Variants in ARID4A observed in about 807,000 individuals in gnomAD.
ARID4A encodes AT-rich interaction domain 4A.
ARID4A carries 39 observed loss-of-function variants against 148.6 expected under a neutral mutation model. The ratio of observed to expected loss-of-function variants is 0.26; its 90% CI spans 0.20 to 0.34. The LOEUF (loss-of-function observed/expected upper bound fraction) is 0.34, where lower values mean the gene tolerates loss of function less well. Among genes scored for constraint, ARID4A ranks in the 10% least tolerant of loss-of-function variants. The pLI is 1.00. For missense variants in ARID4A, 1,265 were observed against 1,449.1 expected, an observed-to-expected ratio of 0.87 and a Z score of 2.06; for synonymous variants, 475 against 481.2, an observed-to-expected ratio of 0.99 and a Z score of 0.17.
At position 58,348,484 on chromosome 14, in the gene ARID4A, C is replaced by T. The variant is rs1001600883; in HGVS notation, c.1404+606C>T. 2.0e-5 allele frequency among the ~76,000 whole-genome samples: 3 copies of T among 152,320 alleles called. No homozygotes were observed. The South Asian group carries it at 6.2e-4, about 32-fold the overall frequency. ...CTTGTCTTTGTAACTTTATAGCACA[C>T]TGTGTAGCTCTAGTGATGCGTACAT... On this transcript the variant is annotated intron_variant, in intron 15 of 23. Transcript: ENST00000355431.
chr14:58,319,521 C>CTTTTTTTTTT (rs71107934), intron 7 of ARID4A, among the ~76,000 whole-genome samples: 4 of 62,096 alleles, frequency 6.4e-5, no homozygotes, highest in African/African-American at 1.3e-4. Context: ...TCTATATACT[C>CTTTTTTTTTT]TTTTTTTTTT....
chr14:58,315,433 G>A (rs1454861504), intron 5 of ARID4A, among the ~76,000 whole-genome samples: 1 of 152,094 alleles, frequency 6.6e-6, no homozygotes, highest in Non-Finnish European at 1.5e-5. Flanking sequence ...GGCTGCCATT[G>A]ATTAATGATA....
rs746417738 is a variant in ARID4A at position 58,347,606 on chromosome 14, AAAGAC to A, written c.1173-40_1173-36del. ...AATAACATGAATTCAAGTTAGATGC[AAAGAC>A]TGTAAGATTTCTTAAATGAAATATT... On this transcript the variant is annotated intron_variant, in intron 14 of 23. Transcript: ENST00000355431. The A allele has an allele frequency of 9.1e-6, 13 of 1,427,518 alleles. No individual in the cohort carries two copies. In the Admixed American group the frequency reaches 3.0e-4, roughly 33 times the overall value. The allele number at this position is 1,427,518 out of a possible 1,614,324, so 88.4% of individuals were successfully genotyped here.
chr14:58,359,274 G>T, intron 18 of ARID4A, 58 bp downstream of exon 18: 1 of 1,501,022 alleles, frequency 6.7e-7, no homozygotes. Context: ...AAATTGTATT[G>T]TGTGTTTTTT....
Position 58,361,059 on chromosome 14 carries a change from C to T in ARID4A, c.2080+17C>T, listed in dbSNP as rs2035113463. On this transcript the variant is annotated intron_variant, in intron 19 of 23. Transcript: ENST00000355431. ...GAAAATCAGGTACCAGAAGTGCTCG[C>T]AGCAATATACCAGACAGCTCACCTC... 6.2e-7 allele frequency: 1 copy of T among 1,611,278 alleles called. No homozygotes were observed. The highest frequency in any genetic ancestry group is 2.2e-5 in the East Asian group (1 of 44,778).
At chr14:58,364,021 T>C (rs1594964661) in intron 19 of ARID4A, 149 bp from the exon 20 acceptor site, 1 of 374,920 alleles carries the variant, frequency 2.7e-6, no homozygotes. Context: ...ACAAATGTTA[T>C]GATTTGTTTT....
intron 19 of ARID4A, among the ~76,000 whole-genome samples, chr14:58,362,450 C>A (rs928654164): frequency 6.6e-6 from 1 of 151,790 alleles, no homozygotes; most frequent in Non-Finnish European, 1.5e-5. Flanking sequence ...ATTAGCCAGG[C>A]ATGGTGGTGT....
chr14:58,357,044 C>G (rs534136491), intron 17 of ARID4A, among the ~76,000 whole-genome samples: 19 of 152,240 alleles, frequency 1.2e-4, no homozygotes, highest in African/African-American at 4.3e-4. Context: ...CAGTATGATA[C>G]TCTCTCATCA....
chr14:58,333,040 C>A (rs777795203), intron 11 of ARID4A, among the ~76,000 whole-genome samples: 3 of 152,062 alleles, frequency 2.0e-5, no homozygotes, highest in Non-Finnish European at 4.4e-5. Flanking sequence ...CATGAAAGAG[C>A]ACCTTTTCCA....
chr14:58,354,481 A>G (rs1373690534), intron 17 of ARID4A, among the ~76,000 whole-genome samples: 2 of 151,994 alleles, frequency 1.3e-5, no homozygotes, highest in Admixed American at 1.3e-4. Flanking sequence ...CCAGGAGTTC[A>G]AGACCAGACC....
chr14:58,366,225 A>C lies in ARID4A; in HGVS notation c.3518A>C (p.Gln1173Pro). 2 of 1,611,426 alleles carry C rather than the reference A, an allele frequency of 1.2e-6. No homozygotes were observed. The highest frequency in any genetic ancestry group is 1.7e-6 in the Non-Finnish European group (2 of 1,177,830). ...CCTAGGACATATAAATGGAGCTTTC[A>C]GCTCAGTAAGAAGCTTATAGAAAAC... ...SSPRTYKWSF[Q>P]LNELDNMNST... is the part of the protein sequence containing the mutation. The change falls in exon 22 of 24, where the codon CAG becomes CCG. Residue 1173 changes from glutamine to proline, a missense_variant. Physicochemically the swap from Gln to Pro is moderately conservative, Grantham distance 76 (BLOSUM62 -1). This residue lies in a region of ARID4A where 666 missense variants were observed against 730.9 expected (regional missense o/e 0.91). Transcript: ENST00000355431.
chr14:58,360,667 A>T (rs577063484), intron 18 of ARID4A, among the ~76,000 whole-genome samples: 3 of 152,376 alleles, frequency 2.0e-5, no homozygotes, highest in African/African-American at 7.2e-5. Flanking sequence ...AAAATATGTT[A>T]GAAATTCAGC....
At chr14:58,316,360 T>C (rs1829479151) in intron 5 of ARID4A, among the ~76,000 whole-genome samples, 1 of 152,226 alleles carries the variant, frequency 6.6e-6, no homozygotes. Flanking sequence ...TATATCTTAT[T>C]TTATTCATAA....
chr14:58,357,614 G>GTT lies in ARID4A; in HGVS notation c.1854-1502_1854-1501dup, dbSNP rs11424644. Among the ~76,000 whole-genome samples, 1,210 of 134,150 alleles carry GTT rather than the reference G, an allele frequency of 9.0e-3. 10 individuals are homozygous for GTT. The highest frequency in any genetic ancestry group is 0.013 in the Non-Finnish European group (823 of 63,424). 88.0% of individuals were successfully genotyped at this position (134,150 alleles called of 152,430 possible). On this transcript the variant is annotated intron_variant, in intron 17 of 23. Transcript: ENST00000355431. The stretch of plus-strand genomic sequence containing the variant: ...TGAGTTTTTTTTATTTTTTTGCATG[G>GTT]TTTTTTTTTTTTTTTTTAGCTCATC...
intron 8 of ARID4A, among the ~76,000 whole-genome samples, chr14:58,324,638 A>G (rs1035103781): frequency 7.1e-4 from 108 of 152,152 alleles, no homozygotes; most frequent in African/African-American, 2.6e-3. Flanking sequence ...GAAATAGACA[A>G]CCTTCAGCGA....
intron 4 of ARID4A, 116 bp downstream of exon 4, chr14:58,305,125 A>T: frequency 1.2e-6 from 1 of 807,522 alleles, no homozygotes; most frequent in Non-Finnish European, 1.9e-6. Context: ...AGAAAACAAT[A>T]CATATGAAGG....
intron 12 of ARID4A, 92 bp downstream of exon 12, chr14:58,344,859 A>G: frequency 1.1e-6 from 1 of 916,924 alleles, no homozygotes; most frequent in Non-Finnish European, 1.7e-6. Flanking sequence ...TTGCAGATAA[A>G]CAGTTTTGGA....
chr14:58,310,616 A>G (rs573178850), intron 5 of ARID4A, among the ~76,000 whole-genome samples: 16 of 152,238 alleles, frequency 1.1e-4, no homozygotes, highest in African/African-American at 3.9e-4. Flanking sequence ...TACAAAAACT[A>G]ACTGGATCAA....
chr14:58,300,511 C>T (rs1177671845), intron 2 of ARID4A, among the ~76,000 whole-genome samples: 1 of 152,090 alleles, frequency 6.6e-6, no homozygotes, highest in African/African-American at 2.4e-5. Flanking sequence ...CAAAAGCATT[C>T]CTATTCAATT....
Sources: gnomAD v4.1 joint callset for allele counts (sites outside exome capture counted in the v4.1 genomes callset) on GRCh38, gnomAD v4.1.1 for gene constraint, gnomAD v4.1.1 regional missense constraint, MANE v1.5 for transcripts, NCBI Gene and HGNC (gene_info 2026-07-23, HGNC 2026-07-21) for gene names.